SULF1: variants seen among roughly 807,000 people sequenced by gnomAD.
The protein encoded by SULF1 is sulfatase 1, also known as extracellular sulfatase Sulf-1.
A neutral mutation model predicts 110.5 loss-of-function variants in SULF1; 46 were observed. That is an observed-to-expected ratio of 0.42 (90% CI 0.33 to 0.53). The LOEUF is 0.53. Ranked by LOEUF, SULF1 falls within the 20% of genes least tolerant of loss-of-function variation. SULF1 has a pLI of 0.12. For synonymous variants in SULF1, 371 were observed against 387.1 expected, an observed-to-expected ratio of 0.96 and a Z score of 0.49; for missense variants, 941 against 1,094.2, an observed-to-expected ratio of 0.86 and a Z score of 1.98.
rs1811556247 is a variant in SULF1 at position 69,642,492 on chromosome 8, A to G, written c.2585+1651A>G. 3 of 742,184 alleles carry G rather than the reference A, an allele frequency of 4.0e-6. No homozygotes were observed. In the African/African-American group the frequency reaches 5.7e-5, roughly 14 times the overall value. 46.0% of individuals were successfully genotyped at this position (742,184 alleles called of 1,614,324 possible). On this transcript the variant is annotated intron_variant, in intron 22 of 22. Coordinates refer to ENST00000402687, the MANE Select transcript of SULF1 (RefSeq NM_001128205.2). ...CAACCCTGTGTCACTCCCAGCACAC[A>G]TAAGACAGAGCAGAAGACCCCATCC...
At chr8:69,569,001 G>A (rs1805021116) in intron 5 of SULF1, among the ~76,000 whole-genome samples, 1 of 152,094 alleles carries the variant, frequency 6.6e-6, no homozygotes, top group East Asian at 1.9e-4. Context: ...ATGTTTGAGG[G>A]ACTCCTAACT....
chr8:69,529,724 C>T (rs1446811570), intron 3 of SULF1, among the ~76,000 whole-genome samples: 8 of 152,318 alleles, frequency 5.3e-5, no homozygotes, highest in Middle Eastern at 3.4e-3. Context: ...AATTGGAGGC[C>T]TCAATTCCTT....
intron 3 of SULF1, among the ~76,000 whole-genome samples, chr8:69,504,170 C>T (rs562488080): frequency 2.6e-5 from 4 of 152,276 alleles, no homozygotes; most frequent in East Asian, 3.9e-4. Context: ...CTTTTCTCCC[C>T]CTAATGTGTG....
intron 13 of SULF1, among the ~76,000 whole-genome samples, chr8:69,613,163 G>T (rs1273826434): frequency 1.3e-5 from 2 of 152,050 alleles, no homozygotes; most frequent in Admixed American, 6.6e-5. Flanking sequence ...TCAGTTGGTG[G>T]TAAGTATTTG....
chr8:69,561,230 A>G (rs947489559), intron 3 of SULF1, among the ~76,000 whole-genome samples: 4 of 152,190 alleles, frequency 2.6e-5, no homozygotes, highest in African/African-American at 9.6e-5. Flanking sequence ...CATCAAATTG[A>G]ACCCTGTAAA....
chr8:69,599,596 A>G (rs147384955), intron 8 of SULF1, among the ~76,000 whole-genome samples: 1,593 of 152,346 alleles, frequency 0.01, 34 homozygotes, highest in African/African-American at 0.036. Context: ...GGTTTGCATA[A>G]TACCCAACAC....
Position 69,576,094 on chromosome 8 carries a change from T to C in SULF1, c.297T>C (p.Tyr99=). 2 of 1,614,180 alleles carry C rather than the reference T, an allele frequency of 1.2e-6. No homozygotes were observed. Among genetic ancestry groups the C allele is most frequent in the South Asian group, 2.2e-5 (2 of 91,084 alleles). The change falls in exon 6 of 23, where the codon TAT becomes TAC. Residue 99 remains tyrosine (Y), a synonymous_variant. Transcript: ENST00000402687. ...PSRSSMLTGK[Y]VHNHNVYTNN... ...GGTCCTCCATGCTCACCGGGAAGTA[T>C]GTGCACAATCACAATGTCTACACCA... is the stretch of plus-strand genomic sequence containing the variant.
At chr8:69,474,025 G>C (rs932805805) in intron 1 of SULF1, among the ~76,000 whole-genome samples, 1 of 152,118 alleles carries the variant, frequency 6.6e-6, no homozygotes, top group South Asian at 2.1e-4. Flanking sequence ...TTCAGTCTAA[G>C]TGTCTTCCCA....
At position 69,659,619 on chromosome 8, in the gene SULF1, A is replaced by AGT. The variant is rs1488451618; in HGVS notation, c.*1085_*1086dup. The AGT allele has an allele frequency of 5.3e-6, 1 of 189,494 alleles. No homozygotes were observed. The highest frequency in any genetic ancestry group is 1.1e-5 in the Non-Finnish European group (1 of 89,526). The allele number at this position is 189,494 out of a possible 1,614,324, so 11.7% of individuals were successfully genotyped here. On this transcript the variant is annotated 3_prime_UTR_variant, in exon 23 of 23. Transcript: ENST00000402687. ...ATCTTTTGAATATCGTAGGGACATA[A>AGT]GTATATACATGTTATCCAATCAAGA...
chr8:69,631,870 A>G (rs1005443379), intron 19 of SULF1, among the ~76,000 whole-genome samples: 3 of 152,208 alleles, frequency 2.0e-5, no homozygotes, highest in Non-Finnish European at 4.4e-5. Flanking sequence ...GATACGCTCT[A>G]TCAGCAAGCT....
intron 1 of SULF1, among the ~76,000 whole-genome samples, chr8:69,471,948 A>G (rs1412794561): frequency 6.6e-6 from 1 of 152,022 alleles, no homozygotes; most frequent in African/African-American, 2.4e-5. Context: ...TTCTTCTGCC[A>G]CCAAAGGCAG....
intron 1 of SULF1, chr8:69,469,459 AT>A (rs1808995727): frequency 6.6e-6 from 1 of 152,202 alleles, no homozygotes; most frequent in Non-Finnish European, 1.5e-5. Context: ...GACAAAATTC[AT>A]TTTTATGGTG....
intron 3 of SULF1, among the ~76,000 whole-genome samples, chr8:69,548,982 C>A (rs553392772): frequency 6.6e-5 from 10 of 152,322 alleles, no homozygotes; most frequent in African/African-American, 2.2e-4. Context: ...CCACCCAGGG[C>A]TCCCAGGAGA....
At chr8:69,468,972 A>G (rs1808973017) in intron 1 of SULF1, among the ~76,000 whole-genome samples, 1 of 152,228 alleles carries the variant, frequency 6.6e-6, no homozygotes, top group African/African-American at 2.4e-5. Flanking sequence ...TCCCCTGAAA[A>G]AAACAATTGT....
chr8:69,638,492 T>A lies in SULF1; in HGVS notation c.2285-10T>A. Reference sequence around the variant, plus strand: ...TTTGTTTTGTTGTGTTTTTCTTTTTTACCCAACAGTGGGATCTTTCTGTGC... The same window carrying A: ...TTTGTTTTGTTGTGTTTTTCTTTTTAACCCAACAGTGGGATCTTTCTGTGC... On this transcript the variant is annotated splice_polypyrimidine_tract_variant and intron_variant, in intron 19 of 22. Transcript: ENST00000402687. The A allele has an allele frequency of 1.2e-6, 2 of 1,608,008 alleles. No individual in the cohort carries two copies. Among genetic ancestry groups the A allele is most frequent in the Non-Finnish European group, 1.7e-6 (2 of 1,178,826 alleles).
intron 5 of SULF1, among the ~76,000 whole-genome samples, chr8:69,572,504 C>T (rs548793941): frequency 9.2e-5 from 14 of 152,222 alleles, no homozygotes; most frequent in South Asian, 2.1e-4. Context: ...CTACAATATA[C>T]CTTATAGTCT....
chr8:69,467,917 C>T (rs1808921987), intron 1 of SULF1, among the ~76,000 whole-genome samples: 1 of 152,036 alleles, frequency 6.6e-6, no homozygotes, highest in Admixed American at 6.6e-5. Flanking sequence ...ACCAAAAGCA[C>T]CCACCAATAT....
chr8:69,655,273 T>C (rs1488088542), intron 22 of SULF1, among the ~76,000 whole-genome samples: 1 of 152,072 alleles, frequency 6.6e-6, no homozygotes, highest in Non-Finnish European at 1.5e-5. Context: ...GAGGAATAGG[T>C]CCAGACTTAG....
At chr8:69,526,400 G>A (rs1812662336) in intron 3 of SULF1, among the ~76,000 whole-genome samples, 1 of 151,962 alleles carries the variant, frequency 6.6e-6, no homozygotes, top group Non-Finnish European at 1.5e-5. Context: ...TCAAATGACT[G>A]ACTTTTTATT....
Sources: gnomAD v4.1 joint callset for allele counts (sites outside exome capture counted in the v4.1 genomes callset) on GRCh38, gnomAD v4.1.1 for gene constraint, MANE v1.5 for transcripts, NCBI Gene and HGNC (gene_info 2026-07-23, HGNC 2026-07-21) for gene names.